The following HIVEP1 variants were observed in gnomAD, a reference collection of about 807,000 sequenced individuals.
The protein encoded by HIVEP1 is zinc finger protein 40.
In HIVEP1, 36 loss-of-function variants were observed where a neutral mutation model predicts 180.0. The ratio of observed to expected loss-of-function variants is 0.20; its 90% confidence interval spans 0.15 to 0.26. The LOEUF (loss-of-function observed/expected upper bound fraction) is 0.26, where lower values mean the gene tolerates loss of function less well. Ranked by LOEUF, HIVEP1 falls within the 10% of genes least tolerant of loss-of-function variation. The probability of loss-of-function intolerance (pLI) is 1.00; values close to 1 mark genes in which losing one functional copy is unlikely to be tolerated. For synonymous variants in HIVEP1, 1,239 were observed against 1,239.0 expected (o/e 1.00, Z 0.00); for missense variants, 3,143 against 3,268.7 (o/e 0.96, Z 0.94).
At chr6:12,201,386 A>C in the HIVEP1 span, among the ~76,000 whole-genome samples, 9 of 152,202 alleles carry the variant, frequency 5.9e-5, no homozygotes, top group African/African-American at 2.2e-4. Context: ...CTGAGGTGAG[A>C]GGATCACTTG....
At chr6:12,173,681 A>G in the HIVEP1 span, among the ~76,000 whole-genome samples, 3 of 152,174 alleles carry the variant, frequency 2.0e-5, no homozygotes, top group Non-Finnish European at 4.4e-5. Flanking sequence ...ATATTTCACG[A>G]AGACCAATAG....
At chr6:12,129,654 T>C (rs1352750390) in intron 4 of HIVEP1, 105 bp from the exon 5 acceptor site, 5 of 901,180 alleles carry the variant, frequency 5.5e-6, no homozygotes, top group South Asian at 5.5e-5. Flanking sequence ...ATGCATTTCG[T>C]TGACCATATG....
At chr6:12,030,786 T>C (rs1050896433) in intron 2 of HIVEP1, among the ~76,000 whole-genome samples, 1 of 152,222 alleles carries the variant, frequency 6.6e-6, no homozygotes, top group Non-Finnish European at 1.5e-5. Context: ...CTAGAGATAC[T>C]TTCTATTGAC....
At chr6:12,017,355 G>A (rs1047688667) in intron 2 of HIVEP1, among the ~76,000 whole-genome samples, 1 of 152,174 alleles carries the variant, frequency 6.6e-6, no homozygotes, top group African/African-American at 2.4e-5. Flanking sequence ...GATGTGTTTG[G>A]AGTTTCTTTC....
At chr6:12,199,360 C>CTTTTTTTTTT in the HIVEP1 span, among the ~76,000 whole-genome samples, 3 of 109,422 alleles carry the variant, frequency 2.7e-5, no homozygotes, top group Admixed American at 1.1e-4. Flanking sequence ...ACTGTCAATC[C>CTTTTTTTTTT]TTTTTTTTTT....
upstream of HIVEP1, among the ~76,000 whole-genome samples, chr6:12,011,141 T>A (rs1049213229): frequency 6.6e-6 from 1 of 152,206 alleles, no homozygotes; most frequent in African/African-American, 2.4e-5. Flanking sequence ...ACATGTCCCC[T>A]TCCACTCTCC....
At chr6:12,090,959 G>A (rs1773439534) in intron 3 of HIVEP1, among the ~76,000 whole-genome samples, 1 of 151,916 alleles carries the variant, frequency 6.6e-6, no homozygotes, top group Non-Finnish European at 1.5e-5. Context: ...CAGTTGGCAG[G>A]CTACACTTAT....
intron 3 of HIVEP1, among the ~76,000 whole-genome samples, chr6:12,104,874 G>A (rs1439746489): frequency 6.6e-6 from 1 of 151,966 alleles, no homozygotes; most frequent in Admixed American, 6.6e-5. Flanking sequence ...GAAATTTTCA[G>A]TATTCTTGTC....
intron 2 of HIVEP1, among the ~76,000 whole-genome samples, chr6:12,042,128 GGACTGCA>G (rs1561880420): frequency 6.8e-6 from 1 of 146,744 alleles, no homozygotes; most frequent in Admixed American, 6.8e-5. Context: ...GCGGGACTGC[GGACTGCA>G]GTGGCGCAAT....
intron 7 of HIVEP1, among the ~76,000 whole-genome samples, chr6:12,154,142 A>G (rs991734270): frequency 6.6e-6 from 1 of 152,154 alleles, no homozygotes; most frequent in Admixed American, 6.5e-5. Flanking sequence ...CATACTGATA[A>G]CTTCCAGTCC....
At chr6:12,019,975 G>T (rs1426334646) in intron 2 of HIVEP1, among the ~76,000 whole-genome samples, 4 of 152,202 alleles carry the variant, frequency 2.6e-5, no homozygotes, top group Non-Finnish European at 5.9e-5. Flanking sequence ...AAGTTTGCAT[G>T]GATTTGAAAA....
chr6:12,112,515 C>G (rs1774961841), intron 3 of HIVEP1, among the ~76,000 whole-genome samples: 1 of 151,884 alleles, frequency 6.6e-6, no homozygotes, highest in Non-Finnish European at 1.5e-5. Context: ...AAATTCTTGG[C>G]CATTATTTTT....
At chr6:12,023,560 G>C (rs1046715186) in intron 2 of HIVEP1, among the ~76,000 whole-genome samples, 5 of 152,174 alleles carry the variant, frequency 3.3e-5, no homozygotes, top group African/African-American at 1.2e-4. Context: ...GTTAATATGG[G>C]TGAAAAAGTT....
At chr6:12,078,719 C>CACACATATATATATATAT (rs758199591) in intron 2 of HIVEP1, among the ~76,000 whole-genome samples, 1 of 146,456 alleles carries the variant, frequency 6.8e-6, no homozygotes, top group Non-Finnish European at 1.5e-5. Flanking sequence ...CACACACACA[C>CACACATATATATATATAT]ATATATATAT....
chr6:12,122,438 G>A lies in HIVEP1; in HGVS notation c.2643G>A (p.Ser881=), dbSNP rs373358319. 3.5e-5 allele frequency: 56 copies of A among 1,614,008 alleles called. No homozygotes were observed. The highest frequency in any genetic ancestry group is 1.7e-4 in the Admixed American group (10 of 60,000). ...CTTTCTATGATGATGTCTTTGTATC[G>A]GGACCTAACGCTCCTGTGCCCCAGA... The part of the protein sequence containing the change: ...IGAFYDDVFV[S]GPNAPVPQSG... Residue 881 remains serine, a synonymous_variant, in exon 4 of 9, where the codon TCG becomes TCA. Transcript: ENST00000379388.
intron 3 of HIVEP1, among the ~76,000 whole-genome samples, chr6:12,107,542 A>G (rs903034930): frequency 1.3e-5 from 2 of 152,022 alleles, no homozygotes; most frequent in African/African-American, 2.4e-5. Flanking sequence ...TGAGTGTTAC[A>G]GTTCTTAAAG....
At chr6:12,016,033 C>T (rs981132655) in intron 2 of HIVEP1, among the ~76,000 whole-genome samples, 35 of 149,888 alleles carry the variant, frequency 2.3e-4, no homozygotes, top group African/African-American at 7.6e-4. Context: ...GTTTTTTTTT[C>T]ACTCTTCCTC....
the HIVEP1 span, among the ~76,000 whole-genome samples, chr6:12,183,004 C>T: frequency 1.3e-5 from 2 of 152,020 alleles, no homozygotes; most frequent in Non-Finnish European, 1.5e-5. Context: ...AAAAATGATG[C>T]CAGAGACCAA....
intron 2 of HIVEP1, among the ~76,000 whole-genome samples, chr6:12,077,400 G>A (rs960296493): frequency 6.6e-6 from 1 of 152,228 alleles, no homozygotes; most frequent in African/African-American, 2.4e-5. Context: ...CAAGACTCCA[G>A]GTGGGTGCTC....
Sources: gnomAD v4.1 joint callset for allele counts (sites outside exome capture counted in the v4.1 genomes callset) on GRCh38, gnomAD v4.1.1 for gene constraint, MANE v1.5 for transcripts, NCBI Gene and HGNC (gene_info 2026-07-23, HGNC 2026-07-21) for gene names.